The following PTPN14 variants were observed in gnomAD, a reference collection of about 807,000 sequenced individuals.
The protein encoded by PTPN14 is protein tyrosine phosphatase non-receptor type 14.
PTPN14 carries 53 observed loss-of-function variants against 126.8 expected under a neutral mutation model. The observed-to-expected ratio is 0.42, with a 90% confidence interval of 0.34 to 0.53. The LOEUF is 0.53. Among genes scored for constraint, PTPN14 ranks in the 20% least tolerant of loss-of-function variants. The probability of loss-of-function intolerance (pLI) is 0.08; values close to 1 mark genes in which losing one functional copy is unlikely to be tolerated. For missense variants in PTPN14, 1,257 were observed against 1,552.9 expected, an observed-to-expected ratio of 0.81 and a Z score of 3.20; for synonymous variants, 630 against 599.3, an observed-to-expected ratio of 1.05 and a Z score of -0.75.
intron 1 of PTPN14, among the ~76,000 whole-genome samples, chr1:214,527,372 C>A (rs1655427106): frequency 6.6e-6 from 1 of 152,076 alleles, no homozygotes; most frequent in Non-Finnish European, 1.5e-5. Flanking sequence ...ACTGCGAAGC[C>A]CTAATTCTCA....
chr1:214,455,344 G>A (rs977589285), intron 2 of PTPN14, among the ~76,000 whole-genome samples: 3 of 152,300 alleles, frequency 2.0e-5, no homozygotes, highest in East Asian at 1.9e-4. Context: ...GTGGATGATT[G>A]CAAATAGAAA....
At chr1:214,404,339 C>T (rs1368661394) in intron 5 of PTPN14, among the ~76,000 whole-genome samples, 8 of 152,134 alleles carry the variant, frequency 5.3e-5, no homozygotes, top group Non-Finnish European at 8.8e-5. Context: ...GATTAATTTG[C>T]GGTTTCCTGT....
chr1:214,518,852 T>C (rs1463375306), intron 1 of PTPN14, among the ~76,000 whole-genome samples: 3 of 152,212 alleles, frequency 2.0e-5, no homozygotes, highest in Non-Finnish European at 4.4e-5. Flanking sequence ...GCAAGATAAA[T>C]AAATGTTAGT....
rs1336905583 is a variant in PTPN14 at position 214,383,071 on chromosome 1, T to C, written c.2544+240A>G. On this transcript the variant is annotated intron_variant, in intron 13 of 18. Transcript: ENST00000366956. This position sits in a 1 kb window ranked among gnomAD's most constrained non-coding sequence, Gnocchi z 4.4. ...GAGCTTTGAATAAACAGCAAAATGC[T>C]GGCTGAGGCACTGGCCTCAATAACG... 6.6e-6 allele frequency among the ~76,000 whole-genome samples: 1 copy of C among 152,242 alleles called. No individual in the cohort carries two copies. Among genetic ancestry groups the C allele is most frequent in the African/African-American group, 2.4e-5 (1 of 41,466 alleles).
chr1:214,469,629 A>C (rs1428907662), intron 1 of PTPN14, among the ~76,000 whole-genome samples: 1 of 152,150 alleles, frequency 6.6e-6, no homozygotes, highest in Non-Finnish European at 1.5e-5. Context: ...AAAAGAGATA[A>C]AAGTATAGAG....
chr1:214,491,331 C>G (rs1661247224), intron 1 of PTPN14, among the ~76,000 whole-genome samples: 1 of 152,160 alleles, frequency 6.6e-6, no homozygotes, highest in African/African-American at 2.4e-5. Context: ...TGTGGGCTGC[C>G]TGTTCTGCCA....
chr1:214,539,675 G>A (rs1655789920), intron 1 of PTPN14, among the ~76,000 whole-genome samples: 1 of 152,144 alleles, frequency 6.6e-6, no homozygotes, highest in African/African-American at 2.4e-5. Context: ...AGAAGGAGGA[G>A]GGAGGAGTGA....
At chr1:214,537,548 TG>T (rs1371357114) in intron 1 of PTPN14, among the ~76,000 whole-genome samples, 1 of 152,216 alleles carries the variant, frequency 6.6e-6, no homozygotes, top group Non-Finnish European at 1.5e-5. Flanking sequence ...TTCACAGGGT[TG>T]CCGTAAGGAT....
rs747291950 is a variant in PTPN14, at chr1:214,364,762, GGTGA to G, written c.3272-91_3272-88del. On this transcript the variant is annotated intron_variant, in intron 17 of 18. Coordinates refer to ENST00000366956, the MANE Select transcript of PTPN14 (RefSeq NM_005401.5). This position sits in a 1 kb window ranked among gnomAD's most constrained non-coding sequence, Gnocchi z 4.1. ...GAGGGGGGAGCGGAAGAGAACTGAT[GGTGA>G]GTGTGTGTGTGTGTGTGTGTGTGTG... is the stretch of plus-strand genomic sequence containing the variant. 7.0e-6 allele frequency: 5 copies of G among 714,506 alleles called. No homozygotes were observed. In the African/African-American group the frequency reaches 1.5e-4, roughly 21 times the overall value. The allele number at this position is 714,506 out of a possible 1,614,324, so 44.3% of individuals were successfully genotyped here.
Position 214,356,432 on chromosome 1 carries a change from A to G in PTPN14, c.*1490T>C, listed in dbSNP as rs1657822017. 6.6e-6 allele frequency: 1 copy of G among 152,002 alleles called. No homozygotes were observed. Among genetic ancestry groups the G allele is most frequent in the South Asian group, 2.1e-4 (1 of 4,824 alleles). 9.4% of individuals were successfully genotyped at this position (152,002 alleles called of 1,614,324 possible). A position where few individuals can be genotyped will look rare whatever the true frequency, so the allele number is the denominator to read the frequency against. On this transcript the variant is annotated 3_prime_UTR_variant, in exon 19 of 19. Coordinates refer to ENST00000366956, the MANE Select transcript of PTPN14 (RefSeq NM_005401.5). Reference sequence around the variant, plus strand: ...CATCACCACGTAACAACAGGTGCATATCAAAGCTGTACTCAAGAAAAGGTA... The same window carrying G: ...CATCACCACGTAACAACAGGTGCATGTCAAAGCTGTACTCAAGAAAAGGTA...
chr1:214,413,905 G>T (rs1659365269), intron 4 of PTPN14, among the ~76,000 whole-genome samples: 1 of 152,154 alleles, frequency 6.6e-6, no homozygotes, highest in African/African-American at 2.4e-5. Context: ...CTGACTTCCA[G>T]TGATTCACCT....
At chr1:214,419,596 C>T (rs547949280) in intron 3 of PTPN14, among the ~76,000 whole-genome samples, 5 of 152,130 alleles carry the variant, frequency 3.3e-5, no homozygotes, top group Non-Finnish European at 7.4e-5. Flanking sequence ...ACCCAGTTCT[C>T]CCAAGTGCAG....
chr1:214,465,326 G>A (rs1027701323), intron 1 of PTPN14, among the ~76,000 whole-genome samples: 1 of 152,136 alleles, frequency 6.6e-6, no homozygotes, highest in Admixed American at 6.5e-5. Context: ...AAAGTGTTAG[G>A]AGGCTGGGCG....
chr1:214,384,305 C>T lies in PTPN14; in HGVS notation c.1550G>A (p.Arg517Lys), dbSNP rs1172190525. The change falls in exon 13 of 19, where the codon AGG becomes AAG. Residue 517 changes from arginine to lysine, a missense_variant. By Grantham distance (26) the Arg-to-Lys change is conservative (BLOSUM62 2). Transcript: ENST00000366956. The surrounding 1 kb of genome is among the most constrained non-coding windows in gnomAD (Gnocchi z 5.3). ...TGGTACCACATTATTCTTTGGGTTC[C>T]TCTGGTCAGATGGACTGACAAGTTT... Reference protein sequence around the residue: ...SNKLVSPSDQRNPKNNVVPSK... With the variant: ...SNKLVSPSDQKNPKNNVVPSK... 6.2e-7 allele frequency: 1 copy of T among 1,614,186 alleles called. No individual in the cohort carries two copies. Among genetic ancestry groups the T allele is most frequent in the East Asian group, 2.2e-5 (1 of 44,872 alleles).
intron 1 of PTPN14, among the ~76,000 whole-genome samples, chr1:214,490,857 A>C (rs56040584): frequency 1.8e-4 from 2 of 11,336 alleles, no homozygotes; most frequent in Non-Finnish European, 2.9e-4. Flanking sequence ...AAGGAAGGGA[A>C]GGGAGGGGAG....
intron 1 of PTPN14, among the ~76,000 whole-genome samples, chr1:214,500,970 A>G (rs762234648): frequency 2.0e-5 from 3 of 152,328 alleles, no homozygotes; most frequent in Non-Finnish European, 4.4e-5. Flanking sequence ...TATGTAAAAC[A>G]CTAACAATGA....
Position 214,391,021 on chromosome 1 carries a change from G to T in PTPN14, c.954C>A (p.Ile318=). The T allele has an allele frequency of 6.3e-7, 1 of 1,588,028 alleles. No homozygotes were observed. Among genetic ancestry groups the T allele is most frequent in the Non-Finnish European group, 8.6e-7 (1 of 1,162,246 alleles). The change falls in exon 11 of 19, where the codon ATC becomes ATA. Residue 318 remains isoleucine (I), a synonymous_variant. Transcript: ENST00000366956. ...CTEQSNSPPP[I]RRQPTWSRSS... is the part of the protein sequence containing the mutation. ...ATCGGCTCCAGGTGGGCTGGCGTCT[G>T]ATGGGGGGTGGAGAATTTGACTGTC...
At chr1:214,376,544 A>G in intron 14 of PTPN14, 107 bp from the exon 15 acceptor site, 1 of 939,906 alleles carries the variant, frequency 1.1e-6, no homozygotes, top group Non-Finnish European at 1.6e-6. Flanking sequence ...AGAGATTTCA[A>G]GTTCTACAAT....
Position 214,384,063 on chromosome 1 carries a change from C to T in PTPN14, c.1792G>A (p.Val598Met). Reference protein sequence around the residue: ...KYVSGSSPDLVTRKVQLSVKT... With the variant: ...KYVSGSSPDLMTRKVQLSVKT... The stretch of plus-strand genomic sequence containing the variant: ...ACCGAGAGCTGCACCTTCCGGGTCA[C>T]CAGGTCCGGGCTGCTGCCGCTGACG... Residue 598 changes from valine (V) to methionine (M), a missense_variant, in exon 13 of 19, where the codon GTG becomes ATG. This residue lies in a region of PTPN14 where 1,021 missense variants were observed against 1,183.3 expected (regional missense o/e 0.86). Coordinates refer to ENST00000366956, the MANE Select transcript of PTPN14 (RefSeq NM_005401.5). The surrounding 1 kb of genome is among the most constrained non-coding windows in gnomAD (Gnocchi z 5.3). 1 of 1,580,962 alleles carries T rather than the reference C, an allele frequency of 6.3e-7. No individual in the cohort carries two copies. Among genetic ancestry groups the T allele is most frequent in the Non-Finnish European group, 8.6e-7 (1 of 1,165,594 alleles).
Sources: allele counts gnomAD v4.1 joint callset (sites outside exome capture counted in the v4.1 genomes callset), GRCh38; gene constraint gnomAD v4.1.1; regional missense constraint gnomAD v4.1.1; non-coding constraint Gnocchi (gnomAD v3.1); transcripts MANE v1.5; gene names NCBI Gene and HGNC (gene_info 2026-07-23, HGNC 2026-07-21).